Variants in TTLL8 observed in about 807,000 individuals in gnomAD.
TTLL8 encodes tubulin tyrosine ligase like 8.
TTLL8 carries 65 observed loss-of-function variants against 77.8 expected under a neutral mutation model. The ratio of observed to expected loss-of-function variants is 0.84; its 90% CI spans 0.68 to 1.03. The LOEUF is 1.03. Among genes scored for constraint, TTLL8 ranks in the 50% least tolerant of loss-of-function variants. The pLI, the probability that TTLL8 is intolerant of heterozygous loss-of-function variation, is 0.00. For missense variants in TTLL8, 910 were observed against 1,004.5 expected (o/e 0.91, Z 1.27); for synonymous variants, 402 against 422.8 (o/e 0.95, Z 0.60).
chr22:50,030,878 C>T (rs1355711567), exon 12 of TTLL8: 6 of 1,327,192 alleles, frequency 4.5e-6, no homozygotes, highest in Non-Finnish European at 6.0e-6. Flanking sequence ...CACTGACGCC[C>T]GCCACGCAGA....
Position 50,047,279 on chromosome 22 carries a change from A to AT in TTLL8, c.281dup (p.Asn94LysfsTer2), listed in dbSNP as rs776231028. On this transcript the variant is annotated frameshift_variant, in exon 4 of 14. Transcript: ENST00000266182. LOFTEE classifies it high-confidence loss of function. ...TGGTCCAGAGGAGGTACGGCATCTC[A>AT]TTTTTTACCAACCTAGACTGGCAAG... 8.8e-6 allele frequency: 12 copies of AT among 1,367,534 alleles called. No individual in the cohort carries two copies. The Admixed American group carries it at 2.3e-4, about 26-fold the overall frequency. 84.7% of individuals were successfully genotyped at this position (1,367,534 alleles called of 1,614,324 possible). A position where few individuals can be genotyped will look rare whatever the true frequency, so the allele number is the denominator to read the frequency against.
intron 8 of TTLL8, among the ~76,000 whole-genome samples, chr22:50,035,707 A>G (rs541521652): frequency 1.3e-5 from 2 of 152,310 alleles, no homozygotes; most frequent in Admixed American, 6.5e-5. Context: ...TGGTCTAAAT[A>G]GGGTGGGTCA....
intron 8 of TTLL8, among the ~76,000 whole-genome samples, chr22:50,039,683 G>T (rs1484552633): frequency 6.6e-6 from 1 of 152,104 alleles, no homozygotes; most frequent in Non-Finnish European, 1.5e-5. Flanking sequence ...TGCCAGCGTG[G>T]ATGGACCTCA....
chr22:50,029,417 A>C (rs201136646), intron 12 of TTLL8, among the ~76,000 whole-genome samples: 3,248 of 38,162 alleles, frequency 0.085, 155 homozygotes, highest in East Asian at 0.23. Context: ...CCCCACACAC[A>C]CTCGTAAAGA....
intron 12 of TTLL8, among the ~76,000 whole-genome samples, chr22:50,024,653 G>C (rs2061221795): frequency 6.6e-6 from 1 of 152,194 alleles, no homozygotes; most frequent in Non-Finnish European, 1.5e-5. Flanking sequence ...TTGCAATTCA[G>C]GGCATATACA....
chr22:50,029,450 C>A (rs2061267779), intron 12 of TTLL8, among the ~76,000 whole-genome samples: 1 of 151,826 alleles, frequency 6.6e-6, no homozygotes, highest in Non-Finnish European at 1.5e-5. Context: ...GTCCTAAAGA[C>A]CCCCCCTATT....
rs761517911 is a variant in TTLL8, at chr22:50,044,586, A to C, written c.643+669T>G. Among the ~76,000 whole-genome samples, 90 of 152,298 alleles carry C rather than the reference A, an allele frequency of 5.9e-4. No individual in the cohort carries two copies. Among genetic ancestry groups the C allele is most frequent in the Non-Finnish European group, 8.8e-4 (60 of 68,026 alleles). On this transcript the variant is annotated intron_variant, in intron 6 of 13. Transcript: ENST00000266182. This position sits in a 1 kb window ranked among gnomAD's most constrained non-coding sequence, Gnocchi z 4.2. ...GGAGCCCTGCAGCCTCCTGATTGGC[A>C]CAAATCACCGTTTGCTCAAATACAC...
rs2061294290 is a variant in TTLL8, at chr22:50,031,679, G to A, written c.1707+7C>T. 7.9e-7 allele frequency: 1 copy of A among 1,272,616 alleles called. No individual in the cohort carries two copies. The highest frequency in any genetic ancestry group is 1.0e-6 in the Non-Finnish European group (1 of 972,164). 78.8% of individuals were successfully genotyped at this position (1,272,616 alleles called of 1,614,324 possible). On this transcript the variant is annotated splice_region_variant and intron_variant, in intron 11 of 13. Transcript: ENST00000266182. ...CACCAAAGTCCCCAGGGGCGGGCGT[G>A]GCTCACCTGCCTCCACAGGAGCTCG...
At chr22:50,045,643 A>G in intron 5 of TTLL8, 2 of 650,792 alleles carry the variant, frequency 3.1e-6, no homozygotes, top group South Asian at 6.9e-5. Flanking sequence ...CGCGCTGTCC[A>G]CAAGCCTAGC....
intron 6 of TTLL8, among the ~76,000 whole-genome samples, chr22:50,043,350 G>A (rs1033543963): frequency 2.7e-5 from 4 of 146,618 alleles, no homozygotes; most frequent in Non-Finnish European, 6.0e-5. Context: ...CAGTGGTACC[G>A]AGACACCCTT....
intron 4 of TTLL8, among the ~76,000 whole-genome samples, chr22:50,046,620 C>T (rs887607811): frequency 5.3e-5 from 8 of 152,228 alleles, no homozygotes; most frequent in South Asian, 4.1e-4. Context: ...CCTGCACCTC[C>T]GCCCCACACT....
chr22:50,052,861 A>G (rs1013461664), intron 1 of TTLL8, among the ~76,000 whole-genome samples: 2 of 152,228 alleles, frequency 1.3e-5, no homozygotes, highest in African/African-American at 2.4e-5. Context: ...GCACAGACCA[A>G]TAAGTTCCAT....
At chr22:50,045,014 C>T (rs143416371) in intron 6 of TTLL8, among the ~76,000 whole-genome samples, 1 of 152,282 alleles carries the variant, frequency 6.6e-6, no homozygotes, top group Non-Finnish European at 1.5e-5. Context: ...GTGTGGGACT[C>T]GGACGTCCCA....
intron 3 of TTLL8, among the ~76,000 whole-genome samples, chr22:50,048,845 G>A (rs536875274): frequency 3.9e-5 from 6 of 152,356 alleles, no homozygotes; most frequent in African/African-American, 1.4e-4. Flanking sequence ...AGGCTGGGCT[G>A]GGGAGGTGGG....
At chr22:50,049,069 C>T in intron 3 of TTLL8, 180 bp downstream of exon 5, 1 of 865,610 alleles carries the variant, frequency 1.2e-6, no homozygotes, top group Non-Finnish European at 1.4e-6. Flanking sequence ...GAAGGGCTCG[C>T]CCCACCCCTG....
At chr22:50,033,267 G>C (rs6010233) in exon 10 of TTLL8, 1 of 1,361,236 alleles carries the variant, frequency 7.3e-7, no homozygotes, top group South Asian at 1.2e-5. Flanking sequence ...TGTAGAACCA[G>C]ATGGTCAGGG....
At chr22:50,057,109 G>C (rs913583357), upstream of TTLL8, among the ~76,000 whole-genome samples, 2 of 146,742 alleles carry the variant, frequency 1.4e-5, no homozygotes, top group African/African-American at 5.1e-5. Flanking sequence ...TCAGGTCTGG[G>C]TTGGGGGATG....
exon 12 of TTLL8, chr22:50,030,868 C>T: frequency 7.5e-7 from 1 of 1,330,112 alleles, no homozygotes; most frequent in Non-Finnish European, 9.9e-7. Context: ...GCTCTCCTCA[C>T]ACTGACGCCC....
intron 12 of TTLL8, among the ~76,000 whole-genome samples, chr22:50,023,136 C>T (rs2061214281): frequency 6.6e-6 from 1 of 152,098 alleles, no homozygotes; most frequent in African/African-American, 2.4e-5. Context: ...ATTTCAAATA[C>T]TATTGATAAA....
Sources: gnomAD v4.1 joint callset for allele counts (sites outside exome capture counted in the v4.1 genomes callset) on GRCh38, gnomAD v4.1.1 for gene constraint, Gnocchi (gnomAD v3.1) non-coding constraint, MANE v1.5 for transcripts, NCBI Gene and HGNC (gene_info 2026-07-23, HGNC 2026-07-21) for gene names.